The following PLXDC2 variants were observed in gnomAD, a reference collection of about 807,000 sequenced individuals.
PLXDC2 encodes the protein plexin domain-containing protein 2.
Under a neutral mutation model 68.9 loss-of-function variants are expected in PLXDC2, and 40 were observed. That is an observed-to-expected ratio of 0.58 (90% CI 0.45 to 0.76). PLXDC2 has a LOEUF of 0.76. PLXDC2 is among the 30% of genes least tolerant of loss of function. The pLI is 0.00. For missense variants in PLXDC2, 644 were observed against 661.9 expected (o/e 0.97, Z 0.30); for synonymous variants, 243 against 234.2 (o/e 1.04, Z -0.34).
chr10:20,148,394 G>A (rs1246530966), intron 6 of PLXDC2, among the ~76,000 whole-genome samples: 2 of 151,806 alleles, frequency 1.3e-5, no homozygotes, highest in Non-Finnish European at 2.9e-5. Flanking sequence ...GCTGTGCTTT[G>A]GCTAATGTTT....
At position 20,093,889 on chromosome 10, in the gene PLXDC2, G is replaced by C. The variant is rs186623494; in HGVS notation, c.541+25650G>C. Among the ~76,000 whole-genome samples the C allele has an allele frequency of 3.9e-5, 6 of 151,982 alleles. No individual in the cohort carries two copies. In the East Asian group the frequency reaches 1.2e-3, roughly 30 times the overall value. ...GGAGTTTCACCCTGTTGCTCAGGCT[G>C]GTCTCAAACTACTGAATTCAGGCGA... On this transcript the variant is annotated intron_variant, in intron 4 of 13. Transcript: ENST00000377252.
chr10:19,992,082 G>A (rs555966469), intron 1 of PLXDC2, among the ~76,000 whole-genome samples: 2 of 152,266 alleles, frequency 1.3e-5, no homozygotes, highest in Admixed American at 6.5e-5. Context: ...TGATTGTTGT[G>A]CTCTGGAACC....
chr10:20,184,853 A>G (rs1287611698), intron 9 of PLXDC2, among the ~76,000 whole-genome samples: 1 of 151,822 alleles, frequency 6.6e-6, no homozygotes, highest in East Asian at 1.9e-4. Context: ...TTGCAGGGAT[A>G]TGGATGAAGA....
At chr10:19,866,738 G>A (rs1423482467) in intron 1 of PLXDC2, among the ~76,000 whole-genome samples, 1 of 152,158 alleles carries the variant, frequency 6.6e-6, no homozygotes, top group Non-Finnish European at 1.5e-5. Flanking sequence ...CTTCCAGATG[G>A]CCAAGAGGCA....
chr10:19,964,620 C>A (rs1834217650), intron 1 of PLXDC2, among the ~76,000 whole-genome samples: 1 of 152,196 alleles, frequency 6.6e-6, no homozygotes, highest in African/African-American at 2.4e-5. Context: ...GTTTCTCTGG[C>A]ACAGGATCAC....
At chr10:19,935,044 A>G (rs1349526839) in intron 1 of PLXDC2, among the ~76,000 whole-genome samples, 2 of 152,174 alleles carry the variant, frequency 1.3e-5, no homozygotes, top group Non-Finnish European at 2.9e-5. Flanking sequence ...CCCCTTGAAA[A>G]TTTCGTAGAA....
chr10:20,122,720 T>A (rs1367321038), intron 4 of PLXDC2, among the ~76,000 whole-genome samples: 1 of 152,188 alleles, frequency 6.6e-6, no homozygotes, highest in Non-Finnish European at 1.5e-5. Flanking sequence ...GGGGTTTGTC[T>A]CACAGTGGAG....
chr10:20,088,583 A>G (rs985214434), intron 4 of PLXDC2, among the ~76,000 whole-genome samples: 3 of 152,140 alleles, frequency 2.0e-5, no homozygotes, highest in Non-Finnish European at 4.4e-5. Flanking sequence ...TGTAAACACC[A>G]CCCATAGGAA....
At chr10:19,951,452 A>G (rs1300420675) in intron 1 of PLXDC2, among the ~76,000 whole-genome samples, 5 of 152,166 alleles carry the variant, frequency 3.3e-5, no homozygotes, top group East Asian at 1.9e-4. Flanking sequence ...GATACTAACT[A>G]TCTCACACCA....
chr10:19,851,054 G>A (rs1837107360), intron 1 of PLXDC2, among the ~76,000 whole-genome samples: 1 of 152,008 alleles, frequency 6.6e-6, no homozygotes, highest in South Asian at 2.1e-4. Flanking sequence ...TGATAAATGG[G>A]CAAAACTAGA....
At chr10:19,983,496 G>A (rs761920559) in intron 1 of PLXDC2, among the ~76,000 whole-genome samples, 47 of 152,242 alleles carry the variant, frequency 3.1e-4, no homozygotes, top group Non-Finnish European at 6.2e-4. Flanking sequence ...TTATCTGCTG[G>A]ACTAGAACAA....
intron 2 of PLXDC2, among the ~76,000 whole-genome samples, chr10:20,002,830 G>C (rs1019674872): frequency 6.6e-6 from 1 of 152,156 alleles, no homozygotes; most frequent in Non-Finnish European, 1.5e-5. Context: ...CAGTGGCTGA[G>C]GTGTAGAATG....
chr10:20,190,899 C>T (rs994337196), intron 9 of PLXDC2, among the ~76,000 whole-genome samples: 2 of 151,810 alleles, frequency 1.3e-5, no homozygotes, highest in Non-Finnish European at 2.9e-5. Flanking sequence ...CGAAATATGA[C>T]TATTTTATAT....
intron 4 of PLXDC2, among the ~76,000 whole-genome samples, chr10:20,116,291 G>A (rs1313840039): frequency 6.6e-6 from 1 of 152,092 alleles, no homozygotes; most frequent in Admixed American, 6.5e-5. Flanking sequence ...AAATATTGAA[G>A]CTGCACTTGG....
chr10:19,830,942 C>A (rs2478144), intron 1 of PLXDC2, among the ~76,000 whole-genome samples: 79,094 of 151,438 alleles, frequency 0.52, 20,772 homozygotes, highest in East Asian at 0.63. Context: ...ATTGAGGACT[C>A]TTCTTCCCAC....
chr10:19,848,786 A>T, intron 1 of PLXDC2, among the ~76,000 whole-genome samples: 1 of 151,862 alleles, frequency 6.6e-6, no homozygotes, highest in East Asian at 1.9e-4. Flanking sequence ...AATTTCATGA[A>T]GTGATGCTGT....
At chr10:19,899,026 C>G (rs887852368) in intron 1 of PLXDC2, among the ~76,000 whole-genome samples, 1 of 152,074 alleles carries the variant, frequency 6.6e-6, no homozygotes, top group Non-Finnish European at 1.5e-5. Context: ...AAAATAAAAA[C>G]AACCCAGAAA....
At chr10:20,150,890 T>C (rs1834143854) in intron 6 of PLXDC2, among the ~76,000 whole-genome samples, 1 of 152,178 alleles carries the variant, frequency 6.6e-6, no homozygotes, top group South Asian at 2.1e-4. Context: ...AAGAAAAAAG[T>C]TCCACTATGG....
intron 4 of PLXDC2, among the ~76,000 whole-genome samples, chr10:20,142,645 A>G (rs1834021796): frequency 6.6e-6 from 1 of 152,122 alleles, no homozygotes; most frequent in African/African-American, 2.4e-5. Flanking sequence ...TTAAATCTCT[A>G]AATAGAGAGG....
Sources: allele counts gnomAD v4.1 joint callset (sites outside exome capture counted in the v4.1 genomes callset), GRCh38; gene constraint gnomAD v4.1.1; transcripts MANE v1.5; gene names NCBI Gene and HGNC (gene_info 2026-07-23, HGNC 2026-07-21).